The following ARHGAP28 variants were observed in gnomAD, a reference collection of about 807,000 sequenced individuals.
ARHGAP28 encodes the protein rho GTPase-activating protein 28.
Under a neutral mutation model 90.7 loss-of-function variants are expected in ARHGAP28, and 56 were observed. The ratio of observed to expected loss-of-function variants is 0.62; its 90% CI spans 0.50 to 0.77. The LOEUF is 0.77. Among genes scored for constraint, ARHGAP28 ranks in the 30% least tolerant of loss-of-function variants. The pLI is 0.00. For missense variants in ARHGAP28, 869 were observed against 900.9 expected (o/e 0.96, Z 0.45); for synonymous variants, 308 against 323.3 (o/e 0.95, Z 0.51).
intron 15 of ARHGAP28, among the ~76,000 whole-genome samples, chr18:6,895,738 A>G (rs1451761397): frequency 2.0e-5 from 3 of 152,124 alleles, no homozygotes; most frequent in Non-Finnish European, 4.4e-5. Flanking sequence ...TTAACTAATT[A>G]CATCTGCAAT....
intron 9 of ARHGAP28, among the ~76,000 whole-genome samples, chr18:6,875,809 A>C (rs1184817385): frequency 6.6e-6 from 1 of 152,230 alleles, no homozygotes; most frequent in African/African-American, 2.4e-5. Flanking sequence ...AGAAAGAGTT[A>C]TAGTAATCAG....
At chr18:6,740,748 GAGAACA>G (rs2055969495) in intron 1 of ARHGAP28, among the ~76,000 whole-genome samples, 1 of 152,176 alleles carries the variant, frequency 6.6e-6, no homozygotes, top group African/African-American at 2.4e-5. Context: ...TGTTGCTAAT[GAGAACA>G]AAGTTTCATG....
intron 1 of ARHGAP28, among the ~76,000 whole-genome samples, chr18:6,777,190 A>T (rs1321299651): frequency 9.8e-5 from 15 of 152,336 alleles, no homozygotes; most frequent in Non-Finnish European, 2.2e-4. Flanking sequence ...ACAGCAAAAT[A>T]GAAAAAGATG....
chr18:6,837,483 G>T, intron 3 of ARHGAP28, 69 bp downstream of exon 3: 3 of 1,084,730 alleles, frequency 2.8e-6, no homozygotes, highest in South Asian at 2.8e-5. Context: ...GGTGGGGCTG[G>T]GGTGGAAAAA....
At chr18:6,766,111 G>A (rs2056198235) in intron 1 of ARHGAP28, among the ~76,000 whole-genome samples, 1 of 152,174 alleles carries the variant, frequency 6.6e-6, no homozygotes, top group Admixed American at 6.5e-5. Flanking sequence ...GATCCATTAA[G>A]TGAATTTGGC....
At chr18:6,749,864 G>C (rs1052127408) in intron 1 of ARHGAP28, among the ~76,000 whole-genome samples, 1 of 152,022 alleles carries the variant, frequency 6.6e-6, no homozygotes, top group East Asian at 1.9e-4. Context: ...TCACTGACAG[G>C]TTATTCTCAA....
At chr18:6,755,854 A>G (rs573354878) in intron 1 of ARHGAP28, among the ~76,000 whole-genome samples, 1 of 152,344 alleles carries the variant, frequency 6.6e-6, no homozygotes, top group East Asian at 1.9e-4. Context: ...TATCAATTAA[A>G]TCAATATATA....
At chr18:6,842,458 T>C (rs1388814774) in intron 3 of ARHGAP28, among the ~76,000 whole-genome samples, 2 of 152,202 alleles carry the variant, frequency 1.3e-5, no homozygotes, top group Admixed American at 1.3e-4. Flanking sequence ...CTAGCATCTG[T>C]TGTTGTTTCT....
At chr18:6,825,148 T>G (rs1242697792) in intron 2 of ARHGAP28, among the ~76,000 whole-genome samples, 184 bp downstream of exon 2, 3 of 152,162 alleles carry the variant, frequency 2.0e-5, no homozygotes, top group Non-Finnish European at 4.4e-5. Flanking sequence ...GGGTGGCTTT[T>G]ATCCCAGGTG....
At chr18:6,821,165 C>T (rs1399848644) in intron 1 of ARHGAP28, among the ~76,000 whole-genome samples, 1 of 152,074 alleles carries the variant, frequency 6.6e-6, no homozygotes, top group Non-Finnish European at 1.5e-5. Flanking sequence ...TTATAAAATA[C>T]TAATTCCATG....
In ARHGAP28 at chr18:6,912,600, C is replaced by T. The variant is rs955073532; in HGVS notation, c.*446C>T. On this transcript the variant is annotated 3_prime_UTR_variant, in exon 18 of 18. Coordinates refer to ENST00000383472, the MANE Select transcript of ARHGAP28 (RefSeq NM_001366230.1). ...GAGCAAGAATGCCAGAAATAGCCTTCATTTCTACCCTGCAAAATAATCCAG... is the reference window on the plus strand; with the variant it reads ...GAGCAAGAATGCCAGAAATAGCCTTTATTTCTACCCTGCAAAATAATCCAG... The T allele has an allele frequency of 2.0e-5, 3 of 152,290 alleles. No individual in the cohort carries two copies. The highest frequency in any genetic ancestry group is 7.2e-5 in the African/African-American group (3 of 41,462). The allele number at this position is 152,290 out of a possible 1,614,324, so 9.4% of individuals were successfully genotyped here.
At chr18:6,854,454 A>C (rs2889405) in intron 4 of ARHGAP28, among the ~76,000 whole-genome samples, 81,684 of 151,962 alleles carry the variant, frequency 0.54, 22,745 homozygotes, top group Non-Finnish European at 0.61. Flanking sequence ...TCTAAGAATA[A>C]TTTTCTTTCT....
At chr18:6,788,842 C>T (rs937228390) in intron 1 of ARHGAP28, 1 of 152,140 alleles carries the variant, frequency 6.6e-6, no homozygotes, top group Admixed American at 6.6e-5. Flanking sequence ...GACCAAGATA[C>T]AGTACTTGCC....
intron 6 of ARHGAP28, among the ~76,000 whole-genome samples, chr18:6,868,862 G>C (rs750750688): frequency 2.0e-5 from 3 of 152,072 alleles, no homozygotes; most frequent in Non-Finnish European, 2.9e-5. Flanking sequence ...TTCTAAAATT[G>C]ATCATGGTGA....
At chr18:6,789,567 T>A (rs964341124) in intron 1 of ARHGAP28, 3 of 152,082 alleles carry the variant, frequency 2.0e-5, no homozygotes, top group African/African-American at 4.8e-5. Flanking sequence ...AGATCAAGAC[T>A]CCATCTCAAA....
intron 1 of ARHGAP28, among the ~76,000 whole-genome samples, chr18:6,745,752 G>C (rs934087903): frequency 2.0e-5 from 3 of 152,164 alleles, no homozygotes; most frequent in African/African-American, 7.2e-5. Context: ...TCATCATAAT[G>C]GTTTCTGAGG....
At chr18:6,865,377 A>G (rs1477033742) in intron 5 of ARHGAP28, among the ~76,000 whole-genome samples, 2 of 152,368 alleles carry the variant, frequency 1.3e-5, no homozygotes, top group African/African-American at 2.4e-5. Flanking sequence ...AATGCATTGC[A>G]TATTTGTCAG....
chr18:6,839,259 T>A (rs1179066661), intron 3 of ARHGAP28, among the ~76,000 whole-genome samples: 2 of 152,288 alleles, frequency 1.3e-5, no homozygotes, highest in South Asian at 2.1e-4. Flanking sequence ...ACTCAAATGC[T>A]TTGTTTTAGT....
At chr18:6,787,470 G>A (rs1431125778) in intron 1 of ARHGAP28, among the ~76,000 whole-genome samples, 1 of 151,950 alleles carries the variant, frequency 6.6e-6, no homozygotes, top group African/African-American at 2.4e-5. Context: ...CTGTTAACTG[G>A]GGAAAACTTC....
Sources: allele counts gnomAD v4.1 joint callset (sites outside exome capture counted in the v4.1 genomes callset), GRCh38; gene constraint gnomAD v4.1.1; transcripts MANE v1.5; gene names NCBI Gene and HGNC (gene_info 2026-07-23, HGNC 2026-07-21).